Variants in FGF18 observed in about 807,000 individuals in gnomAD.
FGF18 encodes fibroblast growth factor 18.
FGF18 carries 5 observed loss-of-function variants against 23.0 expected under a neutral mutation model. The ratio of observed to expected loss-of-function variants is 0.22; its 90% confidence interval spans 0.11 to 0.46. FGF18 has a LOEUF of 0.46. FGF18 is among the 20% of genes least tolerant of loss of function. The pLI, the probability that FGF18 is intolerant of heterozygous loss-of-function variation, is 0.99. For missense variants in FGF18, 180 were observed against 291.6 expected, an observed-to-expected ratio of 0.62 and a Z score of 2.79; for synonymous variants, 117 against 118.9, an observed-to-expected ratio of 0.98 and a Z score of 0.10.
At chr5:171,450,176 A>G (rs1054294926) in intron 4 of FGF18, among the ~76,000 whole-genome samples, 1 of 139,410 alleles carries the variant, frequency 7.2e-6, no homozygotes, top group African/African-American at 2.8e-5. Flanking sequence ...GCCCTGGCTG[A>G]TTATTTGCGG....
At chr5:171,447,386 A>T (rs764334748) in intron 3 of FGF18, among the ~76,000 whole-genome samples, 14 of 152,208 alleles carry the variant, frequency 9.2e-5, no homozygotes, top group Non-Finnish European at 2.1e-4. Flanking sequence ...TCACAGAGGA[A>T]ATGACGGAGT....
chr5:171,423,511 G>A (rs530326411), intron 2 of FGF18, among the ~76,000 whole-genome samples: 3 of 152,284 alleles, frequency 2.0e-5, no homozygotes, highest in African/African-American at 7.2e-5. Context: ...GCTCGGCGGG[G>A]TGGGGGGGCA....
chr5:171,430,273 A>T (rs10041856), intron 2 of FGF18, among the ~76,000 whole-genome samples: 1 of 149,460 alleles, frequency 6.7e-6, no homozygotes. Context: ...CGGGAGAATC[A>T]CATGAACCCA....
In FGF18 at chr5:171,456,659, C is replaced by T. The variant is rs1327595547; in HGVS notation, c.478C>T (p.Arg160Trp). 6.2e-7 allele frequency: 1 copy of T among 1,614,024 alleles called. No individual in the cohort carries two copies. Among genetic ancestry groups the T allele is most frequent in the Non-Finnish European group, 8.5e-7 (1 of 1,179,986 alleles). The change falls in exon 5 of 5, where the codon CGG (arginine) becomes TGG (tryptophan). Residue 160 changes from arginine (R) to tryptophan (W), a missense_variant. Transcript: ENST00000274625. The surrounding 1 kb of genome is among the most constrained non-coding windows in gnomAD (Gnocchi z 6.1). ...YVGFTKKGRP[R>W]KGPKTRENQQ... ...GGGCTTCACCAAGAAGGGGCGGCCGCGGAAGGGCCCCAAGACCCGGGAGAA... is the reference window on the plus strand; with the variant it reads ...GGGCTTCACCAAGAAGGGGCGGCCGTGGAAGGGCCCCAAGACCCGGGAGAA...
At chr5:171,420,337 T>C (rs1005674598) in intron 1 of FGF18, 70 bp from the exon 2 acceptor site, 19 of 1,606,210 alleles carry the variant, frequency 1.2e-5, no homozygotes, top group Non-Finnish European at 1.6e-5. Flanking sequence ...ACTCTTCGAC[T>C]GCGTGTCTGT....
chr5:171,456,521 C>T lies in FGF18; in HGVS notation c.358-18C>T, dbSNP rs1772583337. The T allele has an allele frequency of 6.2e-7, 1 of 1,605,552 alleles. No individual in the cohort carries two copies. Among genetic ancestry groups the T allele is most frequent in the Admixed American group, 1.7e-5 (1 of 59,116 alleles). On this transcript the variant is annotated intron_variant, in intron 4 of 4. Transcript: ENST00000274625. The surrounding 1 kb of genome is among the most constrained non-coding windows in gnomAD (Gnocchi z 6.1). ...TGAGTCATTTTTTTCTTGAACACTC[C>T]CCCTCTCTCCCCTGCAGCCCGATGG...
chr5:171,423,191 G>A (rs1772042994), intron 2 of FGF18, among the ~76,000 whole-genome samples: 1 of 152,092 alleles, frequency 6.6e-6, no homozygotes. Flanking sequence ...CCCCCAAAGT[G>A]GTGAGCCCGC....
chr5:171,442,913 G>A (rs1772365946), intron 3 of FGF18, among the ~76,000 whole-genome samples: 1 of 152,194 alleles, frequency 6.6e-6, no homozygotes, highest in Non-Finnish European at 1.5e-5. Context: ...TCTGTCCTCT[G>A]TCTGCCTGCG....
At chr5:171,452,864 A>G (rs1772536340) in intron 4 of FGF18, among the ~76,000 whole-genome samples, 1 of 152,202 alleles carries the variant, frequency 6.6e-6, no homozygotes, top group South Asian at 2.1e-4. Context: ...GGGCTTATAT[A>G]GCAAACAACA....
intron 3 of FGF18, among the ~76,000 whole-genome samples, chr5:171,439,421 C>G (rs1217452391): frequency 6.6e-6 from 1 of 152,104 alleles, no homozygotes; most frequent in Non-Finnish European, 1.5e-5. Context: ...TAGTTGAATA[C>G]CTGGCAGGTG....
intron 2 of FGF18, among the ~76,000 whole-genome samples, chr5:171,422,758 T>A (rs772805617): frequency 3.3e-5 from 5 of 152,134 alleles, no homozygotes; most frequent in Non-Finnish European, 7.4e-5. Context: ...TTCAAGCTCC[T>A]TTAGGGTGAG....
chr5:171,441,333 T>C (rs1042451898), intron 3 of FGF18, among the ~76,000 whole-genome samples: 1 of 152,212 alleles, frequency 6.6e-6, no homozygotes. Context: ...ACTCATGTCC[T>C]TGAATCGGCC....
intron 2 of FGF18, among the ~76,000 whole-genome samples, chr5:171,424,168 G>T (rs994242757): frequency 6.6e-6 from 1 of 152,208 alleles, no homozygotes; most frequent in African/African-American, 2.4e-5. Flanking sequence ...ATAAGGTCTA[G>T]TCAGTCCCTG....
At chr5:171,424,620 A>G (rs4559013) in intron 2 of FGF18, among the ~76,000 whole-genome samples, 81,200 of 152,060 alleles carry the variant, frequency 0.53, 21,763 homozygotes, top group South Asian at 0.58. Context: ...GAGTCCTTAG[A>G]GACATGCTAG....
rs1005760316 is a variant in FGF18 at position 171,451,564 on chromosome 5, A to G, written c.357+2311A>G. Among the ~76,000 whole-genome samples the G allele has an allele frequency of 3.3e-5, 5 of 152,032 alleles. No homozygotes were observed. The highest frequency in any genetic ancestry group is 1.2e-4 in the African/African-American group (5 of 41,370). On this transcript the variant is annotated intron_variant, in intron 4 of 4. Transcript: ENST00000274625. This position sits in a 1 kb window ranked among gnomAD's most constrained non-coding sequence, Gnocchi z 4.5. ...CCTGGCGTGTGGCTTCTGCATCTCC[A>G]GGCCTTTCCCCGCTGCCCACCTTCG...
At chr5:171,449,923 C>G (rs904794301) in intron 4 of FGF18, among the ~76,000 whole-genome samples, 3 of 152,064 alleles carry the variant, frequency 2.0e-5, no homozygotes, top group Non-Finnish European at 4.4e-5. Context: ...CACCCCTGTT[C>G]GTTTCCTGGG....
In FGF18 at chr5:171,440,664, C is replaced by T. The variant is rs186014418; in HGVS notation, c.250+4391C>T. ...GCCCACCCATTCTCTCCCTGAGCCT[C>T]GGTTTCCCCACCTGTAATGTGGGTG... is the stretch of plus-strand genomic sequence containing the variant. On this transcript the variant is annotated intron_variant, in intron 3 of 4. Coordinates refer to ENST00000274625, the MANE Select transcript of FGF18 (RefSeq NM_003862.3). The surrounding 1 kb of genome is among the most constrained non-coding windows in gnomAD (Gnocchi z 4.0). 2.0e-5 allele frequency among the ~76,000 whole-genome samples: 3 copies of T among 152,160 alleles called. No individual in the cohort carries two copies. The highest frequency in any genetic ancestry group is 1.9e-4 in the East Asian group (1 of 5,180).
At position 171,449,400 on chromosome 5, in the gene FGF18, TGAGAGA is replaced by T. The variant is rs112415649; in HGVS notation, c.357+166_357+171del. On this transcript the variant is annotated intron_variant, in intron 4 of 4. Transcript: ENST00000274625. ...GTGTGTGTGTGTGTGTGTGTGTGTG[TGAGAGA>T]GAGAGAGAGAGAGAGAGACAGGAGA... The T allele has an allele frequency of 6.5e-3, 2,342 of 361,524 alleles. 24 individuals carry two copies. Among genetic ancestry groups the T allele is most frequent in the Middle Eastern group, 0.01 (11 of 1,086 alleles). The allele number at this position is 361,524 out of a possible 1,614,324, so 22.4% of individuals were successfully genotyped here. A position where few individuals can be genotyped will look rare whatever the true frequency, so the allele number is the denominator to read the frequency against.
intron 2 of FGF18, 54 bp downstream of exon 2, chr5:171,420,497 C>G: frequency 3.9e-6 from 6 of 1,547,588 alleles, no homozygotes; most frequent in Non-Finnish European, 5.3e-6. Context: ...CGGTACACGC[C>G]GACCCCCCTT....
Sources: allele counts gnomAD v4.1 joint callset (sites outside exome capture counted in the v4.1 genomes callset), GRCh38; gene constraint gnomAD v4.1.1; non-coding constraint Gnocchi (gnomAD v3.1); transcripts MANE v1.5; gene names NCBI Gene and HGNC (gene_info 2026-07-23, HGNC 2026-07-21).